ALX4: variants seen among roughly 807,000 people sequenced by gnomAD.
ALX4 encodes the protein homeobox protein aristaless-like 4.
ALX4 carries 22 observed loss-of-function variants against 40.6 expected under a neutral mutation model. The observed-to-expected ratio is 0.54, with a 90% CI of 0.39 to 0.77. The LOEUF (loss-of-function observed/expected upper bound fraction) is 0.77, where lower values mean the gene tolerates loss of function less well. Among genes scored for constraint, ALX4 ranks in the 30% least tolerant of loss-of-function variants. The pLI, the probability that ALX4 is intolerant of heterozygous loss-of-function variation, is 0.00. For missense variants in ALX4, 556 were observed against 564.8 expected (o/e 0.98, Z 0.16); for synonymous variants, 266 against 240.5 (o/e 1.11, Z -0.98).
At chr11:44,299,148 T>C (rs1224443447) in intron 1 of ALX4, among the ~76,000 whole-genome samples, 1 of 152,148 alleles carries the variant, frequency 6.6e-6, no homozygotes, top group Non-Finnish European at 1.5e-5. Flanking sequence ...TTCTGGAAAC[T>C]CATGCAGTCA....
intron 1 of ALX4, among the ~76,000 whole-genome samples, chr11:44,299,280 G>A (rs116319730): frequency 1.3e-5 from 2 of 151,448 alleles, no homozygotes; most frequent in South Asian, 2.1e-4. Flanking sequence ...GACAGGTGCC[G>A]AAATTTACTC....
chr11:44,301,080 CCAGAG>C (rs1956431734), intron 1 of ALX4, among the ~76,000 whole-genome samples: 1 of 152,240 alleles, frequency 6.6e-6, no homozygotes, highest in Non-Finnish European at 1.5e-5. Flanking sequence ...GGGGCTGCAT[CCAGAG>C]CTTCCCAGAA....
At chr11:44,307,738 C>A (rs368277796) in intron 1 of ALX4, among the ~76,000 whole-genome samples, 1 of 152,180 alleles carries the variant, frequency 6.6e-6, no homozygotes, top group African/African-American at 2.4e-5. Context: ...ACAGCCAGTA[C>A]GGACAGGGCT....
intron 1 of ALX4, among the ~76,000 whole-genome samples, chr11:44,308,895 T>C (rs1013760945): frequency 6.6e-6 from 1 of 152,236 alleles, no homozygotes; most frequent in African/African-American, 2.4e-5. Flanking sequence ...CCAGGGGAAC[T>C]GGCCTGCCCG....
intron 1 of ALX4, among the ~76,000 whole-genome samples, chr11:44,280,183 G>T (rs1956301200): frequency 6.6e-6 from 1 of 152,236 alleles, no homozygotes; most frequent in South Asian, 2.1e-4. Flanking sequence ...CAGGAGAGAA[G>T]AAAGACCCAG....
At chr11:44,289,231 G>A (rs1462274763) in intron 1 of ALX4, among the ~76,000 whole-genome samples, 1 of 152,154 alleles carries the variant, frequency 6.6e-6, no homozygotes. Context: ...GCTCGGCAAG[G>A]CATGTTGCAT....
At chr11:44,267,081 C>T (rs938051091) in intron 3 of ALX4, among the ~76,000 whole-genome samples, 4 of 152,152 alleles carry the variant, frequency 2.6e-5, no homozygotes, top group Non-Finnish European at 5.9e-5. Flanking sequence ...TAACCTAAGT[C>T]CCCGGACTCA....
At chr11:44,279,564 T>C (rs1956296869) in intron 1 of ALX4, among the ~76,000 whole-genome samples, 1 of 151,916 alleles carries the variant, frequency 6.6e-6, no homozygotes, top group Admixed American at 6.6e-5. Context: ...CTGCTGAAAA[T>C]AGAAGTCCCA....
intron 1 of ALX4, among the ~76,000 whole-genome samples, chr11:44,301,780 T>C (rs1956436096): frequency 1.3e-5 from 2 of 152,202 alleles, no homozygotes; most frequent in Non-Finnish European, 2.9e-5. Context: ...TGGGGGTCCA[T>C]TTCCCCTTGG....
At chr11:44,297,744 A>C (rs988069237) in intron 1 of ALX4, among the ~76,000 whole-genome samples, 3 of 151,898 alleles carry the variant, frequency 2.0e-5, no homozygotes, top group Non-Finnish European at 4.4e-5. Flanking sequence ...ATAAAATAAA[A>C]TAAAAAGCTC....
rs1157010372 is a variant in ALX4, at chr11:44,307,072, C to A, written c.466+2525G>T. 2.6e-5 allele frequency among the ~76,000 whole-genome samples: 4 copies of A among 152,060 alleles called. No homozygotes were observed. The East Asian group carries it at 7.7e-4, about 29-fold the overall frequency. Reference sequence around the variant, plus strand: ...TTGGTCCCAGCCTGCAGTTTATGACCCAGAGCAGTGGCAGGGACTTGCCCT... The same window carrying A: ...TTGGTCCCAGCCTGCAGTTTATGACACAGAGCAGTGGCAGGGACTTGCCCT... On this transcript the variant is annotated intron_variant, in intron 1 of 3. Transcript: ENST00000652299.
At chr11:44,304,770 C>T (rs1956456576) in intron 1 of ALX4, among the ~76,000 whole-genome samples, 2 of 152,202 alleles carry the variant, frequency 1.3e-5, no homozygotes, top group Admixed American at 1.3e-4. Context: ...GGAGAAAGTG[C>T]GCCCAGCTGA....
intron 1 of ALX4, among the ~76,000 whole-genome samples, chr11:44,301,305 G>A (rs1181000196): frequency 6.6e-6 from 1 of 152,170 alleles, no homozygotes; most frequent in Non-Finnish European, 1.5e-5. Flanking sequence ...CAGTTTCCTC[G>A]ATGTAACCAA....
intron 1 of ALX4, among the ~76,000 whole-genome samples, chr11:44,303,715 G>T (rs1956449048): frequency 6.6e-6 from 1 of 152,228 alleles, no homozygotes; most frequent in African/African-American, 2.4e-5. Context: ...GAACGTGCTG[G>T]GGGTGGGGGC....
chr11:44,299,311 C>T (rs1464495168), intron 1 of ALX4, among the ~76,000 whole-genome samples: 2 of 151,458 alleles, frequency 1.3e-5, no homozygotes, highest in Non-Finnish European at 2.9e-5. Context: ...TTGTCTTCTG[C>T]ATCCCCGGTT....
intron 3 of ALX4, among the ~76,000 whole-genome samples, chr11:44,266,324 G>T (rs1195511571): frequency 6.6e-6 from 1 of 152,192 alleles, no homozygotes; most frequent in Non-Finnish European, 1.5e-5. Context: ...GGGAGCTAGA[G>T]TTCCATCCTG....
chr11:44,309,769 C>T lies in ALX4; in HGVS notation c.294G>A (p.Gln98=). ...GCTGCGGCTGCGGCGGCGGCTGGGG[C>T]TGCGGGGTCGACGGCTGGGGCTGGA... The part of the protein sequence containing the change: ...NKFQPQPSTP[Q]PQPPPQPQPQ... Residue 98 remains glutamine, a synonymous_variant, in exon 1 of 4, where the codon CAG becomes CAA. Transcript: ENST00000652299. The T allele has an allele frequency of 6.5e-7, 1 of 1,546,370 alleles. No individual in the cohort carries two copies. The highest frequency in any genetic ancestry group is 1.2e-5 in the South Asian group (1 of 84,156).
intron 2 of ALX4, among the ~76,000 whole-genome samples, chr11:44,268,530 G>C (rs1956226471): frequency 6.6e-6 from 1 of 152,174 alleles, no homozygotes; most frequent in African/African-American, 2.4e-5. Flanking sequence ...GAGCCCAACG[G>C]GGGAGGGGAG....
chr11:44,298,765 G>T (rs1477654882), intron 1 of ALX4, among the ~76,000 whole-genome samples: 1 of 147,228 alleles, frequency 6.8e-6, no homozygotes, highest in East Asian at 2.0e-4. Context: ...CCAGAGCCTC[G>T]CTGCTCCTAC....
Sources: gnomAD v4.1 joint callset for allele counts (sites outside exome capture counted in the v4.1 genomes callset) on GRCh38, gnomAD v4.1.1 for gene constraint, MANE v1.5 for transcripts, NCBI Gene and HGNC (gene_info 2026-07-23, HGNC 2026-07-21) for gene names.